Variants in CRISPLD2 observed in about 807,000 individuals in gnomAD.
The protein encoded by CRISPLD2 is cysteine-rich secretory protein LCCL domain-containing 2.
In CRISPLD2, 47 loss-of-function variants were observed where a neutral mutation model predicts 71.1. The observed-to-expected ratio is 0.66, with a 90% CI of 0.52 to 0.84. The LOEUF is 0.84. Among genes scored for constraint, CRISPLD2 ranks in the 40% least tolerant of loss-of-function variants. The pLI is 0.00. For missense variants in CRISPLD2, 830 were observed against 651.1 expected, an observed-to-expected ratio of 1.27 and a Z score of -2.99; for synonymous variants, 317 against 250.1, an observed-to-expected ratio of 1.27 and a Z score of -2.52.
At chr16:84,824,411 C>G (rs73247798) in intron 1 of CRISPLD2, among the ~76,000 whole-genome samples, 10,316 of 152,230 alleles carry the variant, frequency 0.068, 569 homozygotes, top group East Asian at 0.19. Flanking sequence ...GAGCCAATAC[C>G]TAGGGGTCCC....
Position 84,908,409 on chromosome 16 carries a change from G to C in CRISPLD2, c.*1767G>C, listed in dbSNP as rs1316242990. ...CCACCAAACATCTGGGAAACTTCTGGGTGCTGGGTGCTCTGCTGCTGGACT... is the reference window on the plus strand; with the variant it reads ...CCACCAAACATCTGGGAAACTTCTGCGTGCTGGGTGCTCTGCTGCTGGACT... On this transcript the variant is annotated 3_prime_UTR_variant, in exon 15 of 15. Coordinates refer to ENST00000262424, the MANE Select transcript of CRISPLD2 (RefSeq NM_031476.4). The C allele has an allele frequency of 6.6e-6, 1 of 152,318 alleles. No homozygotes were observed. The highest frequency in any genetic ancestry group is 6.6e-5 in the Admixed American group (1 of 15,266). 9.4% of individuals were successfully genotyped at this position (152,318 alleles called of 1,614,324 possible).
chr16:84,902,998 C>T (rs2071769124), intron 14 of CRISPLD2, among the ~76,000 whole-genome samples: 1 of 151,832 alleles, frequency 6.6e-6, no homozygotes, highest in Admixed American at 6.6e-5. Context: ...GAACTCCTGA[C>T]TTCAAGTGAT....
chr16:84,867,669 C>G (rs552505350), intron 7 of CRISPLD2, among the ~76,000 whole-genome samples: 5 of 152,296 alleles, frequency 3.3e-5, no homozygotes, highest in African/African-American at 9.6e-5. Flanking sequence ...CGGGTTCAAG[C>G]AATTCTCCTG....
chr16:84,832,779 T>C (rs1285511568), intron 1 of CRISPLD2, among the ~76,000 whole-genome samples: 1 of 152,204 alleles, frequency 6.6e-6, no homozygotes, highest in Non-Finnish European at 1.5e-5. Context: ...TTCTGGCAGA[T>C]TCTCCTAAAC....
chr16:84,890,825 C>T (rs2071655344), intron 14 of CRISPLD2, among the ~76,000 whole-genome samples: 1 of 152,226 alleles, frequency 6.6e-6, no homozygotes, highest in African/African-American at 2.4e-5. Flanking sequence ...CAAACAAAGT[C>T]CCTAGAAGTG....
chr16:84,826,244 G>A (rs190321684), intron 1 of CRISPLD2, among the ~76,000 whole-genome samples: 2 of 152,340 alleles, frequency 1.3e-5, no homozygotes, highest in Admixed American at 1.3e-4. Flanking sequence ...CCTGGGAGCT[G>A]AAAGACCACC....
At chr16:84,834,134 T>A (rs1916557484) in intron 1 of CRISPLD2, among the ~76,000 whole-genome samples, 1 of 152,030 alleles carries the variant, frequency 6.6e-6, no homozygotes. Context: ...AGCCTCCTCA[T>A]CTGTAGAGTG....
chr16:84,850,139 G>A (rs1383687273), intron 4 of CRISPLD2, among the ~76,000 whole-genome samples: 1 of 151,376 alleles, frequency 6.6e-6, no homozygotes, highest in Non-Finnish European at 1.5e-5. Flanking sequence ...CGCCCAGGCT[G>A]GAGTGCAGTG....
At chr16:84,876,880 C>G in intron 11 of CRISPLD2, among the ~76,000 whole-genome samples, 1 of 152,224 alleles carries the variant, frequency 6.6e-6, no homozygotes, top group Non-Finnish European at 1.5e-5. Context: ...AGTATTAGAA[C>G]TGTTTCCTTA....
At chr16:84,876,846 T>C (rs776368167) in intron 11 of CRISPLD2, among the ~76,000 whole-genome samples, 1 of 152,212 alleles carries the variant, frequency 6.6e-6, no homozygotes, top group East Asian at 1.9e-4. Context: ...AATAAAGACA[T>C]GCTGTCAGAG....
chr16:84,843,920 G>A (rs1916842626), intron 2 of CRISPLD2, among the ~76,000 whole-genome samples: 1 of 152,228 alleles, frequency 6.6e-6, no homozygotes. Flanking sequence ...CGGGGAGAGA[G>A]GGAAGTGAGG....
intron 13 of CRISPLD2, among the ~76,000 whole-genome samples, chr16:84,887,406 G>A (rs1347845307): frequency 6.6e-6 from 1 of 152,204 alleles, no homozygotes; most frequent in African/African-American, 2.4e-5. Flanking sequence ...ACTCGGTTGT[G>A]AATGGAGGCA....
chr16:84,834,428 C>T (rs896630856), intron 1 of CRISPLD2, among the ~76,000 whole-genome samples: 8 of 152,230 alleles, frequency 5.3e-5, no homozygotes, highest in Non-Finnish European at 1.0e-4. Context: ...GTAGAATGGG[C>T]AGTGTGGGCC....
chr16:84,824,666 CTG>C, intron 1 of CRISPLD2, among the ~76,000 whole-genome samples: 1 of 152,298 alleles, frequency 6.6e-6, no homozygotes, highest in East Asian at 1.9e-4. Context: ...GAGGAAGTAA[CTG>C]TTGTTTTTAC....
At chr16:84,854,943 T>C in intron 6 of CRISPLD2, 114 bp downstream of exon 6, 1 of 788,034 alleles carries the variant, frequency 1.3e-6, no homozygotes, top group Non-Finnish European at 2.2e-6. Flanking sequence ...CCTGGCCCTA[T>C]TTAAGACGCT....
chr16:84,835,842 G>T (rs9925686), intron 1 of CRISPLD2, among the ~76,000 whole-genome samples: 17,396 of 152,252 alleles, frequency 0.11, 1,219 homozygotes, highest in Middle Eastern at 0.21. Context: ...AGCTCACGCT[G>T]GCTCAGGAGG....
intron 13 of CRISPLD2, among the ~76,000 whole-genome samples, chr16:84,888,703 C>G (rs899638228): frequency 1.3e-5 from 2 of 152,184 alleles, no homozygotes; most frequent in Admixed American, 1.3e-4. Context: ...TATATCCACC[C>G]CAGGGCATTT....
At chr16:84,878,626 G>C (rs1047056221) in intron 12 of CRISPLD2, among the ~76,000 whole-genome samples, 1 of 152,196 alleles carries the variant, frequency 6.6e-6, no homozygotes, top group Non-Finnish European at 1.5e-5. Context: ...CACGGAGGAC[G>C]ATGCCTCCCA....
chr16:84,838,343 C>T, intron 1 of CRISPLD2, 79 bp from the exon 2 acceptor site: 7 of 857,062 alleles, frequency 8.2e-6, no homozygotes, highest in South Asian at 6.5e-5. Flanking sequence ...GTCGTGTGTG[C>T]TGCGTTCGCT....
Sources: allele counts gnomAD v4.1 joint callset (sites outside exome capture counted in the v4.1 genomes callset), GRCh38; gene constraint gnomAD v4.1.1; transcripts MANE v1.5; gene names NCBI Gene and HGNC (gene_info 2026-07-23, HGNC 2026-07-21).